HS6ST2: variants seen among roughly 807,000 people sequenced by gnomAD.
The protein encoded by HS6ST2 is heparan-sulfate 6-O-sulfotransferase 2.
HS6ST2 carries 17 observed loss-of-function variants against 33.0 expected under a neutral mutation model. The observed-to-expected ratio is 0.52, with a 90% CI of 0.35 to 0.77. The LOEUF (loss-of-function observed/expected upper bound fraction) is 0.77. Ranked by LOEUF, HS6ST2 falls within the 30% of genes least tolerant of loss-of-function variation. The pLI is 0.01. For synonymous variants in HS6ST2, 248 were observed against 237.1 expected (o/e 1.05, Z -0.42); for missense variants, 519 against 551.7 (o/e 0.94, Z 0.59).
At chrX:132,878,218 C>T (rs1349090166) in intron 2 of HS6ST2, among the ~76,000 whole-genome samples, 1 of 111,647 alleles carries the variant, frequency 9.0e-6, no homozygotes, top group East Asian at 2.8e-4. Context: ...GAGGGGTCCT[C>T]CAAGCAGGTT....
chrX:132,893,793 C>T (rs2066339874), intron 2 of HS6ST2, among the ~76,000 whole-genome samples: 1 of 111,286 alleles, frequency 9.0e-6, no homozygotes. Context: ...TGTCTATTTA[C>T]TATAGGCATA....
chrX:132,716,412 A>G (rs924738030), intron 2 of HS6ST2, among the ~76,000 whole-genome samples: 5 of 112,329 alleles, frequency 4.5e-5, no homozygotes, highest in Non-Finnish European at 9.4e-5. Context: ...AAAACGAAAT[A>G]AAACAAAATT....
At chrX:132,829,997 T>C (rs986113969) in intron 2 of HS6ST2, among the ~76,000 whole-genome samples, 4 of 111,722 alleles carry the variant, frequency 3.6e-5, no homozygotes, top group African/African-American at 1.3e-4. Flanking sequence ...TCTCCTGTGG[T>C]TGCCTTAGAA....
At chrX:132,779,598 G>A (rs2065000201) in intron 2 of HS6ST2, among the ~76,000 whole-genome samples, 1 of 110,893 alleles carries the variant, frequency 9.0e-6, no homozygotes, top group Non-Finnish European at 1.9e-5. Context: ...GGCAATATTT[G>A]CAGAGGTTAA....
At chrX:132,787,795 G>A (rs959944849) in intron 2 of HS6ST2, among the ~76,000 whole-genome samples, 12 of 107,980 alleles carry the variant, frequency 1.1e-4, no homozygotes, top group African/African-American at 4.0e-4. Flanking sequence ...GGAGGCTGAG[G>A]CCGGAGAATC....
At chrX:132,727,236 T>TG (rs5903834) in intron 2 of HS6ST2, among the ~76,000 whole-genome samples, 3,412 of 83,522 alleles carry the variant, frequency 0.041, 157 homozygotes, top group African/African-American at 0.12. Context: ...CTAGCATTAT[T>TG]GGGGGGGGGG....
chrX:132,685,684 C>A (rs1018958096), intron 3 of HS6ST2, among the ~76,000 whole-genome samples: 1 of 111,531 alleles, frequency 9.0e-6, no homozygotes, highest in Non-Finnish European at 1.9e-5. Context: ...TCACTTCTGG[C>A]CCCCAACCAT....
intron 2 of HS6ST2, among the ~76,000 whole-genome samples, chrX:132,746,427 C>A (rs1445706890): frequency 1.8e-5 from 2 of 111,042 alleles, no homozygotes; most frequent in African/African-American, 6.6e-5. Flanking sequence ...GGCGTGAACC[C>A]AGGAGGCAGA....
chrX:132,640,167 G>A (rs760879100), intron 4 of HS6ST2, among the ~76,000 whole-genome samples: 7 of 110,296 alleles, frequency 6.3e-5, no homozygotes, highest in Admixed American at 3.9e-4. Flanking sequence ...GCATGTATAC[G>A]GGTGCCAGCT....
intron 2 of HS6ST2, among the ~76,000 whole-genome samples, chrX:132,880,479 C>T (rs952780089): frequency 1.9e-5 from 2 of 103,395 alleles, no homozygotes; most frequent in Admixed American, 1.1e-4. Flanking sequence ...GAAGTTGCAG[C>T]GAGCCACTAC....
intron 2 of HS6ST2, among the ~76,000 whole-genome samples, chrX:132,860,080 T>G (rs1261204149): frequency 8.9e-6 from 1 of 111,783 alleles, no homozygotes; most frequent in Non-Finnish European, 1.9e-5. Flanking sequence ...ATTGAAACAG[T>G]AGCTCTGTAT....
intron 2 of HS6ST2, among the ~76,000 whole-genome samples, chrX:132,747,775 G>A (rs914320131): frequency 9.1e-6 from 1 of 110,417 alleles, no homozygotes; most frequent in Non-Finnish European, 1.9e-5. Context: ...AGCCAGAGAG[G>A]AGTCAGCTGT....
intron 2 of HS6ST2, among the ~76,000 whole-genome samples, chrX:132,885,292 C>G (rs2066237389): frequency 8.9e-6 from 1 of 111,817 alleles, no homozygotes; most frequent in African/African-American, 3.3e-5. Flanking sequence ...GTGATGAAAA[C>G]ATTCTGGAAT....
intron 2 of HS6ST2, among the ~76,000 whole-genome samples, chrX:132,853,024 T>C (rs2148409424): frequency 8.9e-6 from 1 of 112,480 alleles, no homozygotes; most frequent in Admixed American, 9.4e-5. Flanking sequence ...AAATCTATAA[T>C]CTCCCAACAC....
intron 4 of HS6ST2, among the ~76,000 whole-genome samples, chrX:132,655,184 C>T (rs1347142171): frequency 1.8e-5 from 2 of 111,942 alleles, no homozygotes; most frequent in Non-Finnish European, 3.8e-5. Context: ...ATTCTAAATG[C>T]ACAATAAATA....
Position 132,812,062 on chromosome X carries a change from T to C in HS6ST2, c.948-103568A>G, listed in dbSNP as rs1325300916. Among the ~76,000 whole-genome samples, 4 of 109,095 alleles carry C rather than the reference T, an allele frequency of 3.7e-5. No homozygotes were observed. In the East Asian group the frequency reaches 1.2e-3, roughly 32 times the overall value. The allele number at this position is 109,095 out of a possible 115,157, so 94.7% of individuals were successfully genotyped here. On this transcript the variant is annotated intron_variant, in intron 2 of 4. Coordinates refer to ENST00000370833, the MANE Select transcript of HS6ST2 (RefSeq NM_001394073.1). ...TATTCCCACCAGCAGTGCACAAAGGTTGCAATTTCTCCGCATCCTCAACAA... is the reference window on the plus strand; with the variant it reads ...TATTCCCACCAGCAGTGCACAAAGGCTGCAATTTCTCCGCATCCTCAACAA...
intron 2 of HS6ST2, among the ~76,000 whole-genome samples, chrX:132,934,362 C>T (rs2066803902): frequency 8.9e-6 from 1 of 111,792 alleles, no homozygotes; most frequent in African/African-American, 3.2e-5. Flanking sequence ...TACTTGTTCT[C>T]TCACTTCTCT....
intron 3 of HS6ST2, among the ~76,000 whole-genome samples, chrX:132,687,058 C>A (rs1200656263): frequency 8.9e-6 from 1 of 112,231 alleles, no homozygotes; most frequent in African/African-American, 3.2e-5. Context: ...TAGTCCACAC[C>A]AGTCTGGCTT....
chrX:132,855,793 C>T (rs1188748037), intron 2 of HS6ST2, among the ~76,000 whole-genome samples: 4 of 111,152 alleles, frequency 3.6e-5, no homozygotes, highest in South Asian at 3.9e-4. Flanking sequence ...AAATGACTCT[C>T]GCTGTTCCTT....
Sources: allele counts gnomAD v4.1 joint callset (sites outside exome capture counted in the v4.1 genomes callset), GRCh38; gene constraint gnomAD v4.1.1; transcripts MANE v1.5; gene names NCBI Gene and HGNC (gene_info 2026-07-23, HGNC 2026-07-21).